The following KLHL14 variants were observed in gnomAD, a reference collection of about 807,000 sequenced individuals.
KLHL14 encodes the protein kelch-like protein 14.
Under a neutral mutation model 64.3 loss-of-function variants are expected in KLHL14, and 22 were observed. The observed-to-expected ratio is 0.34, with a 90% CI of 0.24 to 0.49. The LOEUF (loss-of-function observed/expected upper bound fraction) is 0.49. Ranked by LOEUF, KLHL14 falls within the 20% of genes least tolerant of loss-of-function variation. The pLI, the probability that KLHL14 is intolerant of heterozygous loss-of-function variation, is 0.99. For missense variants in KLHL14, 661 were observed against 789.0 expected, an observed-to-expected ratio of 0.84 and a Z score of 1.94; for synonymous variants, 322 against 333.4, an observed-to-expected ratio of 0.97 and a Z score of 0.37.
intron 3 of KLHL14, among the ~76,000 whole-genome samples, chr18:32,704,551 T>A (rs1419747005): frequency 6.6e-6 from 1 of 151,930 alleles, no homozygotes; most frequent in Non-Finnish European, 1.5e-5. Context: ...GGTGAAACCC[T>A]GTCTCTACTA....
At chr18:32,740,072 G>T (rs1309437242) in intron 3 of KLHL14, among the ~76,000 whole-genome samples, 1 of 152,046 alleles carries the variant, frequency 6.6e-6, no homozygotes, top group Non-Finnish European at 1.5e-5. Context: ...TTTTCTCAAG[G>T]TCCTGGATCT....
intron 3 of KLHL14, among the ~76,000 whole-genome samples, chr18:32,730,848 AT>A (rs1294522738): frequency 3.3e-5 from 5 of 152,254 alleles, no homozygotes; most frequent in Non-Finnish European, 7.3e-5. Flanking sequence ...TTTTAAAAAA[AT>A]AAATTAAGAC....
intron 2 of KLHL14, among the ~76,000 whole-genome samples, chr18:32,748,795 G>C (rs1278693416): frequency 6.6e-6 from 1 of 151,966 alleles, no homozygotes; most frequent in Non-Finnish European, 1.5e-5. Flanking sequence ...TGGCCTCTTT[G>C]CCTCTCTTTA....
At chr18:32,746,639 T>G (rs2050225237) in intron 2 of KLHL14, among the ~76,000 whole-genome samples, 5 of 152,240 alleles carry the variant, frequency 3.3e-5, no homozygotes, top group Admixed American at 3.3e-4. Context: ...TTTTAACCTA[T>G]TTAGAAATCA....
chr18:32,685,438 G>A (rs2049872426), intron 5 of KLHL14, among the ~76,000 whole-genome samples: 1 of 152,104 alleles, frequency 6.6e-6, no homozygotes, highest in Non-Finnish European at 1.5e-5. Context: ...GTGATGAGAT[G>A]ATGACATTTC....
chr18:32,768,972 T>C (rs1006670141), intron 2 of KLHL14, among the ~76,000 whole-genome samples: 1 of 152,182 alleles, frequency 6.6e-6, no homozygotes, highest in Admixed American at 6.5e-5. Flanking sequence ...CCCTGAAATC[T>C]CTTGCTTTAC....
chr18:32,689,365 G>A (rs1332991686), intron 4 of KLHL14, among the ~76,000 whole-genome samples: 3 of 152,186 alleles, frequency 2.0e-5, no homozygotes, highest in Non-Finnish European at 2.9e-5. Context: ...AATGCTCAGA[G>A]ATAGGGGGGA....
chr18:32,739,553 G>C (rs1457847130), intron 3 of KLHL14, among the ~76,000 whole-genome samples: 1 of 151,928 alleles, frequency 6.6e-6, no homozygotes, highest in Non-Finnish European at 1.5e-5. Flanking sequence ...TTGTTAAGTA[G>C]AGTAAACATT....
intron 3 of KLHL14, among the ~76,000 whole-genome samples, chr18:32,703,568 G>A (rs142058936): frequency 6.6e-6 from 1 of 152,084 alleles, no homozygotes; most frequent in South Asian, 2.1e-4. Flanking sequence ...TTGTGCCAAG[G>A]GCAAAGGTTT....
rs552655421 is a variant in KLHL14 at position 32,672,929 on chromosome 18, A to G, written c.*1728T>C. 1 of 152,602 alleles carries G rather than the reference A, an allele frequency of 6.6e-6. No homozygotes were observed. The highest frequency in any genetic ancestry group is 1.5e-5 in the Non-Finnish European group (1 of 68,020). The allele number at this position is 152,602 out of a possible 1,614,324, so 9.5% of individuals were successfully genotyped here. On this transcript the variant is annotated 3_prime_UTR_variant, in exon 9 of 9. Coordinates refer to ENST00000359358, the MANE Select transcript of KLHL14 (RefSeq NM_020805.3). ...TTCTTGTACAAATTGTGACTTTTGG[A>G]AGAAACAGTGACAGTTGACAACAAA... is the stretch of plus-strand genomic sequence containing the variant.
chr18:32,733,239 A>G (rs1456515387), intron 3 of KLHL14, among the ~76,000 whole-genome samples: 1 of 152,216 alleles, frequency 6.6e-6, no homozygotes, highest in Non-Finnish European at 1.5e-5. Flanking sequence ...ATTAAGGCTG[A>G]GACAACCACC....
intron 2 of KLHL14, among the ~76,000 whole-genome samples, chr18:32,748,704 G>T (rs936619779): frequency 1.3e-5 from 2 of 150,354 alleles, no homozygotes; most frequent in Non-Finnish European, 2.9e-5. Context: ...TGACCACGCT[G>T]GTCTCTGCCT....
chr18:32,677,890 A>G (rs1377529652), intron 7 of KLHL14, among the ~76,000 whole-genome samples: 2 of 152,222 alleles, frequency 1.3e-5, no homozygotes, highest in African/African-American at 4.8e-5. Flanking sequence ...CTTGCAGACT[A>G]AATTGTATTG....
intron 3 of KLHL14, among the ~76,000 whole-genome samples, chr18:32,704,201 T>C (rs541428413): frequency 1.3e-5 from 2 of 152,336 alleles, no homozygotes; most frequent in Non-Finnish European, 2.9e-5. Flanking sequence ...GTGGATGATA[T>C]GGCAACAGGA....
chr18:32,731,838 A>G (rs1028559259), intron 3 of KLHL14, among the ~76,000 whole-genome samples: 1 of 152,176 alleles, frequency 6.6e-6, no homozygotes, highest in East Asian at 1.9e-4. Flanking sequence ...AGACATATTA[A>G]AAATATCTGA....
In KLHL14 at chr18:32,770,216, C is replaced by G. The variant is rs1226743988; in HGVS notation, c.376G>C (p.Val126Leu). ...LTSPRAINNL[V>L]LQGCSSIGLR... ...CCGATGGACGAGCAGCCCTGCAGCA[C>G]CAGGTTGTTGATGGCCCGGGGGCTG... Residue 126 changes from valine to leucine, a missense_variant, in exon 2 of 9, where the codon GTG becomes CTG. Transcript: ENST00000359358. This position sits in a 1 kb window ranked among gnomAD's most constrained non-coding sequence, Gnocchi z 6.7. The G allele has an allele frequency of 6.2e-7, 1 of 1,609,304 alleles. No homozygotes were observed. Among genetic ancestry groups the G allele is most frequent in the African/African-American group, 1.3e-5 (1 of 74,830 alleles).
In KLHL14 at chr18:32,769,777, G is replaced by A; in HGVS notation, c.815C>T (p.Pro272Leu). 6.2e-7 allele frequency: 1 copy of A among 1,609,468 alleles called. No individual in the cohort carries two copies. The highest frequency in any genetic ancestry group is 8.5e-7 in the Non-Finnish European group (1 of 1,176,966). Reference sequence around the variant, plus strand: ...TGACTGGACCCGCTCCACCAGCTCCGGGGCCGGGATGAGGGCGAAGCGGAG... The same window carrying A: ...TGACTGGACCCGCTCCACCAGCTCCAGGGCCGGGATGAGGGCGAAGCGGAG... Reference protein sequence around the residue: ...KRLRFALIPAPELVERVQSVD... With the variant: ...KRLRFALIPALELVERVQSVD... The change falls in exon 2 of 9, where the codon CCG becomes CTG. Residue 272 changes from proline (P) to leucine (L), a missense_variant. Physicochemically the swap from Pro to Leu is moderately conservative, Grantham distance 98. Coordinates refer to ENST00000359358, the MANE Select transcript of KLHL14 (RefSeq NM_020805.3).
intron 2 of KLHL14, chr18:32,745,581 T>C (rs914691582): frequency 6.6e-6 from 1 of 152,180 alleles, no homozygotes; most frequent in African/African-American, 2.4e-5. Flanking sequence ...CTAATAGAGA[T>C]TACTTTACAT....
Position 32,673,984 on chromosome 18 carries a change from G to A in KLHL14, c.*673C>T, listed in dbSNP as rs1181911437. 5 of 152,092 alleles carry A rather than the reference G, an allele frequency of 3.3e-5. No individual in the cohort carries two copies. Among genetic ancestry groups the A allele is most frequent in the African/African-American group, 9.7e-5 (4 of 41,402 alleles). 9.4% of individuals were successfully genotyped at this position (152,092 alleles called of 1,614,324 possible). A position where few individuals can be genotyped will look rare whatever the true frequency, so the allele number is the denominator to read the frequency against. ...ATAAAATTGAGGACACAGAAATGACGACTCTGTCTAGCCTAGAACCTATAG... is the reference window on the plus strand; with the variant it reads ...ATAAAATTGAGGACACAGAAATGACAACTCTGTCTAGCCTAGAACCTATAG... On this transcript the variant is annotated 3_prime_UTR_variant, in exon 9 of 9. Coordinates refer to ENST00000359358, the MANE Select transcript of KLHL14 (RefSeq NM_020805.3).
Sources: allele counts gnomAD v4.1 joint callset (sites outside exome capture counted in the v4.1 genomes callset), GRCh38; gene constraint gnomAD v4.1.1; non-coding constraint Gnocchi (gnomAD v3.1); transcripts MANE v1.5; gene names NCBI Gene and HGNC (gene_info 2026-07-23, HGNC 2026-07-21).